INSL6: variants seen among roughly 807,000 people sequenced by gnomAD.
INSL6 encodes the protein insulin like 6.
Under a neutral mutation model 9.4 loss-of-function variants are expected in INSL6, and 16 were observed. The ratio of observed to expected loss-of-function variants is 1.70; its 90% CI spans 1.15 to 2.59. The LOEUF (loss-of-function observed/expected upper bound fraction) is 2.59, where lower values mean the gene tolerates loss of function less well. Among genes scored for constraint, INSL6 ranks in the 30% most tolerant of loss-of-function variants. The pLI, the probability that INSL6 is intolerant of heterozygous loss-of-function variation, is 0.00. For missense variants in INSL6, 391 were observed against 257.3 expected, an observed-to-expected ratio of 1.52 and a Z score of -3.56; for synonymous variants, 154 against 96.9, an observed-to-expected ratio of 1.59 and a Z score of -3.46.
the INSL6 span, chr9:5,041,528 A>G: frequency 3.7e-6 from 2 of 544,104 alleles, no homozygotes; most frequent in Non-Finnish European, 7.3e-6. Context: ...CGCCCATCGA[A>G]GTGCTCTGCG....
the INSL6 span, among the ~76,000 whole-genome samples, chr9:5,011,283 G>A: frequency 2.8e-3 from 430 of 152,128 alleles, no homozygotes; most frequent in African/African-American, 1.0e-2. Context: ...ACTCCTGAGC[G>A]CAAGTAATCC....
chr9:5,169,951 T>C (rs574085650), intron 1 of INSL6, among the ~76,000 whole-genome samples: 44 of 152,310 alleles, frequency 2.9e-4, no homozygotes, highest in Admixed American at 5.2e-4. Context: ...AACATGAGAC[T>C]GATTGTTGAG....
the INSL6 span, chr9:5,022,057 G>A: frequency 1.2e-6 from 2 of 1,614,108 alleles, no homozygotes; most frequent in Non-Finnish European, 1.7e-6. Context: ...TCAGAATGGT[G>A]ATATTTCTGG....
At chr9:5,127,542 T>TA in intron 3 of INSL6, 1 of 231,244 alleles carries the variant, frequency 4.3e-6, no homozygotes, top group Non-Finnish European at 8.6e-6. Context: ...CCCTTGTATC[T>TA]ATTTGTGGTG....
the INSL6 span, among the ~76,000 whole-genome samples, chr9:5,027,230 G>C: frequency 6.6e-6 from 1 of 152,162 alleles, no homozygotes; most frequent in African/African-American, 2.4e-5. Flanking sequence ...TTGTGGGTTT[G>C]GTTCCAGACT....
intron 2 of INSL6, among the ~76,000 whole-genome samples, chr9:5,154,046 G>A (rs1243318986): frequency 6.6e-6 from 1 of 152,140 alleles, no homozygotes; most frequent in African/African-American, 2.4e-5. Flanking sequence ...CAAAGCTGGA[G>A]GCATCACACT....
chr9:5,077,972 G>A, the INSL6 span, among the ~76,000 whole-genome samples: 4 of 152,032 alleles, frequency 2.6e-5, no homozygotes, highest in African/African-American at 4.8e-5. Flanking sequence ...GACCCCTCAG[G>A]GTGCACCTAT....
intron 1 of INSL6, among the ~76,000 whole-genome samples, chr9:5,182,557 A>G (rs1408847119): frequency 3.9e-5 from 6 of 152,128 alleles, no homozygotes; most frequent in African/African-American, 1.4e-4. Context: ...AGAGTGCCTA[A>G]CACATGATAG....
At chr9:5,025,030 C>T in the INSL6 span, among the ~76,000 whole-genome samples, 1 of 152,178 alleles carries the variant, frequency 6.6e-6, no homozygotes, top group Admixed American at 6.5e-5. Context: ...CACAACTTTC[C>T]TGCCATTTTT....
the INSL6 span, chr9:5,112,457 A>G: frequency 1.9e-6 from 1 of 539,568 alleles, no homozygotes; most frequent in East Asian, 3.4e-5. Context: ...AAGGAGCTGA[A>G]GGACCCCCGG....
chr9:5,159,398 C>G (rs1824877753), downstream of INSL6, among the ~76,000 whole-genome samples: 1 of 151,304 alleles, frequency 6.6e-6, no homozygotes. Context: ...AACCTCTTGC[C>G]TACAAGAAAC....
chr9:5,030,321 G>T, the INSL6 span, among the ~76,000 whole-genome samples: 2 of 152,116 alleles, frequency 1.3e-5, no homozygotes, highest in Non-Finnish European at 2.9e-5. Context: ...TTTTCCCAGT[G>T]TGTATTTGCA....
intron 3 of INSL6, among the ~76,000 whole-genome samples, chr9:5,129,581 C>G (rs373778929): frequency 1.3e-5 from 2 of 152,060 alleles, no homozygotes; most frequent in South Asian, 2.1e-4. Context: ...AGTAAGTCAG[C>G]AGGATTATCC....
At chr9:5,084,004 A>G in the INSL6 span, among the ~76,000 whole-genome samples, 1 of 152,134 alleles carries the variant, frequency 6.6e-6, no homozygotes, top group African/African-American at 2.4e-5. Flanking sequence ...TGAATATACC[A>G]TAATTTATTT....
At chr9:5,160,961 C>G (rs938653946), downstream of INSL6, among the ~76,000 whole-genome samples, 1 of 152,092 alleles carries the variant, frequency 6.6e-6, no homozygotes, top group African/African-American at 2.4e-5. Flanking sequence ...ACTCTCCAAG[C>G]AAAGAAAAGC....
At chr9:5,083,846 A>T in the INSL6 span, among the ~76,000 whole-genome samples, 7 of 152,280 alleles carry the variant, frequency 4.6e-5, no homozygotes, top group South Asian at 1.4e-3. Context: ...ATTACAATGA[A>T]GATACGTTCC....
intron 1 of INSL6, among the ~76,000 whole-genome samples, chr9:5,183,028 T>G (rs9657576): frequency 0.38 from 57,804 of 152,002 alleles, 12,451 homozygotes; most frequent in African/African-American, 0.6. Context: ...GACAACTGAC[T>G]TGATCTAACA....
At chr9:5,049,018 A>G in the INSL6 span, among the ~76,000 whole-genome samples, 1 of 152,262 alleles carries the variant, frequency 6.6e-6, no homozygotes, top group Non-Finnish European at 1.5e-5. Context: ...TAAATCCTCC[A>G]GGTCAAAATC....
chr9:5,103,221 C>CAAAAAAAAAAAAAAAAA, the INSL6 span, among the ~76,000 whole-genome samples: 6 of 6,872 alleles, frequency 8.7e-4, 1 homozygote, highest in African/African-American at 1.8e-3. Context: ...AAAGGGAAAG[C>CAAAAAAAAAAAAAAAAA]AAAAAAAAAA....
Sources: gnomAD v4.1 joint callset for allele counts (sites outside exome capture counted in the v4.1 genomes callset) on GRCh38, gnomAD v4.1.1 for gene constraint, MANE v1.5 for transcripts, NCBI Gene and HGNC (gene_info 2026-07-23, HGNC 2026-07-21) for gene names.